Variants in AFF3 observed in about 807,000 individuals in gnomAD.
AFF3 encodes the protein AF4/FMR2 family member 3.
AFF3 carries 32 observed loss-of-function variants against 129.7 expected under a neutral mutation model. That is an observed-to-expected ratio of 0.25 (90% CI 0.19 to 0.33). The LOEUF is 0.33. AFF3 is among the 10% of genes least tolerant of loss of function. The pLI is 1.00. For synonymous variants in AFF3, 644 were observed against 635.4 expected (o/e 1.01, Z -0.20); for missense variants, 1,373 against 1,592.0 (o/e 0.86, Z 2.34).
intron 7 of AFF3, among the ~76,000 whole-genome samples, chr2:99,893,144 G>GT (rs1361335084): frequency 6.6e-6 from 1 of 152,160 alleles, no homozygotes; most frequent in Admixed American, 6.5e-5. Flanking sequence ...AAAAATCCAC[G>GT]TAACTGTCTT....
At chr2:100,104,306 C>T in intron 4 of AFF3, 96 bp downstream of exon 4, 2 of 211,468 alleles carry the variant, frequency 9.5e-6, no homozygotes, top group Non-Finnish European at 1.5e-5. Flanking sequence ...CGGCGGCCGG[C>T]CGCCCGGAGC....
intron 4 of AFF3, among the ~76,000 whole-genome samples, chr2:100,017,534 A>G (rs1184404998): frequency 3.3e-5 from 5 of 152,336 alleles, no homozygotes; most frequent in African/African-American, 1.2e-4. Flanking sequence ...ATCTTTTGAG[A>G]AACTATGACA....
At chr2:99,862,922 A>G (rs1446075515) in intron 7 of AFF3, among the ~76,000 whole-genome samples, 1 of 152,234 alleles carries the variant, frequency 6.6e-6, no homozygotes, top group Non-Finnish European at 1.5e-5. Flanking sequence ...ACCACTTCCT[A>G]TAATCTAATG....
intron 4 of AFF3, among the ~76,000 whole-genome samples, chr2:100,016,439 T>TGGTA (rs148851593): frequency 1.4e-5 from 2 of 146,152 alleles, no homozygotes; most frequent in African/African-American, 5.2e-5. Flanking sequence ...GTGGTGGTGA[T>TGGTA]GTGGTGGTGG....
At chr2:100,127,582 AC>A (rs545899036) in intron 2 of AFF3, among the ~76,000 whole-genome samples, 324 of 152,298 alleles carry the variant, frequency 2.1e-3, no homozygotes, top group African/African-American at 7.4e-3. Flanking sequence ...CCACTGCTGC[AC>A]AAATGCTCTG....
At chr2:99,641,831 C>A (rs1420280883) in intron 13 of AFF3, among the ~76,000 whole-genome samples, 1 of 152,144 alleles carries the variant, frequency 6.6e-6, no homozygotes, top group Non-Finnish European at 1.5e-5. Context: ...CAGTACACTA[C>A]CGGACCTGCG....
intron 2 of AFF3, among the ~76,000 whole-genome samples, chr2:100,127,129 C>T (rs1480852159): frequency 2.6e-5 from 4 of 151,844 alleles, no homozygotes; most frequent in Non-Finnish European, 5.9e-5. Context: ...TAGGAGGTAA[C>T]TCTGCAATCA....
intron 7 of AFF3, among the ~76,000 whole-genome samples, chr2:99,842,809 T>C (rs1192189890): frequency 6.6e-6 from 1 of 152,094 alleles, no homozygotes; most frequent in Non-Finnish European, 1.5e-5. Context: ...GCACAGAATA[T>C]GGGGAGAAGC....
chr2:99,668,117 C>T (rs771365806), intron 12 of AFF3, among the ~76,000 whole-genome samples: 2 of 151,892 alleles, frequency 1.3e-5, no homozygotes, highest in Non-Finnish European at 2.9e-5. Context: ...AAGACTGCGC[C>T]ACTGCACTCC....
At chr2:100,137,554 CACACAG>C (rs1233144175) in intron 1 of AFF3, among the ~76,000 whole-genome samples, 159 of 98,388 alleles carry the variant, frequency 1.6e-3, no homozygotes, top group East Asian at 0.014. Context: ...CACACACACA[CACACAG>C]ACACACAGAG....
At chr2:99,856,380 G>C (rs998205478) in intron 7 of AFF3, among the ~76,000 whole-genome samples, 1 of 152,002 alleles carries the variant, frequency 6.6e-6, no homozygotes, top group African/African-American at 2.4e-5. Context: ...ACTCACATGG[G>C]GAGAGACAAC....
intron 13 of AFF3, among the ~76,000 whole-genome samples, chr2:99,616,352 T>TA (rs1187032597): frequency 2.0e-5 from 3 of 151,842 alleles, no homozygotes; most frequent in Admixed American, 6.6e-5. Context: ...TTTTTTTTTT[T>TA]AAAAACATCT....
intron 7 of AFF3, among the ~76,000 whole-genome samples, chr2:99,994,334 C>T (rs1035669015): frequency 6.6e-6 from 1 of 151,984 alleles, no homozygotes; most frequent in Non-Finnish European, 1.5e-5. Flanking sequence ...GCTCCAAATT[C>T]GATGAAACCA....
intron 7 of AFF3, among the ~76,000 whole-genome samples, chr2:99,904,571 G>T (rs750636648): frequency 2.0e-5 from 3 of 152,056 alleles, no homozygotes; most frequent in Non-Finnish European, 4.4e-5. Flanking sequence ...TGAATACTCT[G>T]ATTTAGTTCC....
rs141910503 is a variant in AFF3, at chr2:99,562,644, G to A, written c.3120-2208C>T. On this transcript the variant is annotated intron_variant, in intron 20 of 24. Transcript: ENST00000672756. ...GCAACTGATTCATCTTTGCATTGAG[G>A]TCTTCTGATCATCTTTTTTCATGCC... Among the ~76,000 whole-genome samples the A allele has an allele frequency of 8.3e-4, 126 of 152,286 alleles. 1 individual carries two copies. The highest frequency in any genetic ancestry group is 1.1e-3 in the Non-Finnish European group (77 of 68,022).
At chr2:99,902,179 C>G (rs970385697) in intron 7 of AFF3, among the ~76,000 whole-genome samples, 1 of 151,698 alleles carries the variant, frequency 6.6e-6, no homozygotes, top group Non-Finnish European at 1.5e-5. Flanking sequence ...GGCTCATGGA[C>G]TTTAAAACAG....
In AFF3 at chr2:99,659,580, GA is replaced by G. The variant is rs1214972394; in HGVS notation, c.1144-9915del. ...AGGTCTGTGACATACAATTTTAGGG[GA>G]AAAAATAGAAAGTAAATCGCCACTA... On this transcript the variant is annotated intron_variant, in intron 12 of 24. Coordinates refer to ENST00000672756, the MANE Select transcript of AFF3 (RefSeq NM_001386135.1). Among the ~76,000 whole-genome samples the G allele has an allele frequency of 5.9e-5, 9 of 152,168 alleles. No homozygotes were observed. In the South Asian group the frequency reaches 1.9e-3, roughly 32 times the overall value.
chr2:99,607,883 A>G (rs1680530107), intron 13 of AFF3, among the ~76,000 whole-genome samples: 1 of 152,258 alleles, frequency 6.6e-6, no homozygotes, highest in African/African-American at 2.4e-5. Flanking sequence ...ATTGATATTA[A>G]TTCATCTAAA....
chr2:100,039,665 T>C (rs1347050852), intron 4 of AFF3, among the ~76,000 whole-genome samples: 2 of 152,168 alleles, frequency 1.3e-5, no homozygotes, highest in Non-Finnish European at 2.9e-5. Context: ...ATGTCCGGGC[T>C]GGCTCCCTAA....
Sources: allele counts gnomAD v4.1 joint callset (sites outside exome capture counted in the v4.1 genomes callset), GRCh38; gene constraint gnomAD v4.1.1; transcripts MANE v1.5; gene names NCBI Gene and HGNC (gene_info 2026-07-23, HGNC 2026-07-21).